The following DSG2 variants were observed in gnomAD, a reference collection of about 807,000 sequenced individuals.
DSG2 encodes desmoglein 2.
DSG2 carries 45 observed loss-of-function variants against 75.6 expected under a neutral mutation model. That is an observed-to-expected ratio of 0.60 (90% confidence interval 0.47 to 0.76). The LOEUF (loss-of-function observed/expected upper bound fraction) is 0.76. Among genes scored for constraint, DSG2 ranks in the 30% least tolerant of loss-of-function variants. DSG2 has a pLI of 0.00. For missense variants in DSG2, 1,267 were observed against 1,357.4 expected, an observed-to-expected ratio of 0.93 and a Z score of 1.05; for synonymous variants, 429 against 483.9, an observed-to-expected ratio of 0.89 and a Z score of 1.49.
At chr18:31,530,865 C>T (rs2073192182) in intron 8 of DSG2, 122 bp from the exon 9 acceptor site, 1 of 943,206 alleles carries the variant, frequency 1.1e-6, no homozygotes, top group Admixed American at 2.2e-5. Context: ...CTATTCAGTG[C>T]TGCTATATTT....
In DSG2 at chr18:31,548,900, T is replaced by A. The variant is rs2073333730; in HGVS notation, c.*2157T>A. ...TCTCTATTATATTTTACAAGGAATA[T>A]AACTCAGTTTGTTAGGGAGAGTGCC... is the stretch of plus-strand genomic sequence containing the variant. On this transcript the variant is annotated 3_prime_UTR_variant, in exon 15 of 15. Coordinates refer to ENST00000261590, the MANE Select transcript of DSG2 (RefSeq NM_001943.5). The A allele has an allele frequency of 7.0e-6, 1 of 142,246 alleles. No individual in the cohort carries two copies. Among genetic ancestry groups the A allele is most frequent in the Non-Finnish European group, 1.5e-5 (1 of 67,174 alleles). 8.8% of individuals were successfully genotyped at this position (142,246 alleles called of 1,614,324 possible). A position where few individuals can be genotyped will look rare whatever the true frequency, so the allele number is the denominator to read the frequency against.
rs2144341363 is a variant in DSG2, at chr18:31,536,226, G to A, written c.1448G>A (p.Gly483Asp). 3.7e-6 allele frequency: 6 copies of A among 1,613,892 alleles called. No individual in the cohort carries two copies. Among genetic ancestry groups the A allele is most frequent in the Non-Finnish European group, 5.1e-6 (6 of 1,179,958 alleles). ...GATTATCCTAGAAAAACCATCACTG[G>A]CACAGTCCTTATCAATGTTGAAGAC... ...SEDYPRKTIT[G>D]TVLINVEDIN... Residue 483 changes from glycine to aspartate, a missense_variant, in exon 11 of 15, where the codon GGC becomes GAC. Coordinates refer to ENST00000261590, the MANE Select transcript of DSG2 (RefSeq NM_001943.5).
chr18:31,521,252 CTTT>C lies in DSG2; in HGVS notation c.523+22_523+24del, dbSNP rs77324780. ...AGAGTTGAGTGCAGCACGTAAGAGT[CTTT>C]TTTTTTTTTTTTAATAAATAAATAC... On this transcript the variant is annotated intron_variant, in intron 5 of 14. Coordinates refer to ENST00000261590, the MANE Select transcript of DSG2 (RefSeq NM_001943.5). The C allele has an allele frequency of 1.2e-4, 167 of 1,386,746 alleles. No individual in the cohort carries two copies. The highest frequency in any genetic ancestry group is 2.0e-4 in the Middle Eastern group (1 of 5,006). The allele number at this position is 1,386,746 out of a possible 1,614,324, so 85.9% of individuals were successfully genotyped here.
rs1393872881 is a variant in DSG2 at position 31,547,939 on chromosome 18, A to G, written c.*1196A>G. On this transcript the variant is annotated 3_prime_UTR_variant, in exon 15 of 15. Coordinates refer to ENST00000261590, the MANE Select transcript of DSG2 (RefSeq NM_001943.5). ...AACTAGGCCTATTTCACTGCTGTGT[A>G]GCCTCAGTGCCTAACATGGGTGCCA... is the stretch of plus-strand genomic sequence containing the variant. The G allele has an allele frequency of 6.6e-6, 1 of 152,210 alleles. No individual in the cohort carries two copies. The highest frequency in any genetic ancestry group is 6.5e-5 in the Admixed American group (1 of 15,290). 9.4% of individuals were successfully genotyped at this position (152,210 alleles called of 1,614,324 possible).
At chr18:31,515,259 C>T (rs753529081) in intron 1 of DSG2, among the ~76,000 whole-genome samples, 13 of 152,158 alleles carry the variant, frequency 8.5e-5, no homozygotes, top group African/African-American at 1.2e-4. Flanking sequence ...CCCACCACCA[C>T]GGGCAGCTAA....
At position 31,522,207 on chromosome 18, in the gene DSG2, T is replaced by TA. The variant is rs1598811394; in HGVS notation, c.649dup (p.Thr217AsnfsTer51). ...CTCCAGTGTTCTACCTAAATAAAGATACAGGAGAGATTTATACAACCAGTG... is the reference window on the plus strand; with the variant it reads ...CTCCAGTGTTCTACCTAAATAAAGATAACAGGAGAGATTTATACAACCAGTG... On this transcript the variant is annotated frameshift_variant, in exon 6 of 15. Coordinates refer to ENST00000261590, the MANE Select transcript of DSG2 (RefSeq NM_001943.5). LOFTEE classifies it high-confidence loss of function. 1 of 1,613,894 alleles carries TA rather than the reference T, an allele frequency of 6.2e-7. No individual in the cohort carries two copies.
intron 5 of DSG2, among the ~76,000 whole-genome samples, chr18:31,521,538 T>C (rs1019985838): frequency 2.0e-5 from 3 of 152,152 alleles, no homozygotes; most frequent in African/African-American, 7.2e-5. Context: ...CAAATGAGCC[T>C]AGCTGTGGTC....
chr18:31,506,241 C>T (rs2073038683), intron 1 of DSG2, among the ~76,000 whole-genome samples: 1 of 152,168 alleles, frequency 6.6e-6, no homozygotes, highest in Non-Finnish European at 1.5e-5. Flanking sequence ...ATTCCCCTTA[C>T]AGCAGTTTGC....
chr18:31,515,635 A>G (rs948605606), intron 1 of DSG2, among the ~76,000 whole-genome samples: 3 of 152,340 alleles, frequency 2.0e-5, no homozygotes, highest in East Asian at 1.9e-4. Flanking sequence ...CTAGCTGGGC[A>G]AGTTAATAGT....
At chr18:31,511,314 C>G (rs2073065441) in intron 1 of DSG2, among the ~76,000 whole-genome samples, 1 of 152,192 alleles carries the variant, frequency 6.6e-6, no homozygotes, top group Non-Finnish European at 1.5e-5. Flanking sequence ...ATTTATCTCC[C>G]CTACCTCGAG....
At chr18:31,520,688 A>G in intron 3 of DSG2, 115 bp from the exon 4 acceptor site, 1 of 1,140,430 alleles carries the variant, frequency 8.8e-7, no homozygotes, top group South Asian at 1.5e-5. Flanking sequence ...GAAATTGTCC[A>G]TAAAAATATT....
In DSG2 at chr18:31,524,813, A is replaced by G; in HGVS notation, c.939A>G (p.Ala313=). The G allele has an allele frequency of 5.0e-6, 8 of 1,614,202 alleles. No homozygotes were observed. The highest frequency in any genetic ancestry group is 6.8e-6 in the Non-Finnish European group (8 of 1,180,014). The stretch of plus-strand genomic sequence containing the variant: ...ATTGGCTGGCAAATTTTACATTTGC[A>G]TCAGGAAATGAAGGAGGTTATTTCC... ...SDNWLANFTF[A]SGNEGGYFHI... The change falls in exon 8 of 15, where the codon GCA becomes GCG. Residue 313 remains alanine, a synonymous_variant. Coordinates refer to ENST00000261590, the MANE Select transcript of DSG2 (RefSeq NM_001943.5).
intron 8 of DSG2, among the ~76,000 whole-genome samples, chr18:31,525,982 A>G (rs2073160866): frequency 6.6e-6 from 1 of 152,074 alleles, no homozygotes; most frequent in South Asian, 2.1e-4. Context: ...CTCTACTACT[A>G]AAAATACAAA....
At chr18:31,537,491 C>T (rs1338945712) in intron 11 of DSG2, among the ~76,000 whole-genome samples, 4 of 151,826 alleles carry the variant, frequency 2.6e-5, no homozygotes, top group South Asian at 2.1e-4. Flanking sequence ...TGGTGGCAGG[C>T]ACCTGTAGTC....
At position 31,546,574 on chromosome 18, in the gene DSG2, T is replaced by C; in HGVS notation, c.3188T>C (p.Ile1063Thr). ...TCCACTCTGCAATCCAGTTACCAGA[T>C]TCCCACTGAAAATTCTATGACGGCT... ...PASTLQSSYQ[I>T]PTENSMTARN... The change falls in exon 15 of 15, where the codon ATT becomes ACT. Residue 1063 changes from isoleucine to threonine, a missense_variant. By Grantham distance (89) the Ile-to-Thr change is moderately conservative (BLOSUM62 -1). Coordinates refer to ENST00000261590, the MANE Select transcript of DSG2 (RefSeq NM_001943.5). 1 of 1,614,194 alleles carries C rather than the reference T, an allele frequency of 6.2e-7. No individual in the cohort carries two copies. Among genetic ancestry groups the C allele is most frequent in the East Asian group, 2.2e-5 (1 of 44,880 alleles).
chr18:31,509,439 T>TC (rs1165757609), intron 1 of DSG2, among the ~76,000 whole-genome samples: 1 of 151,900 alleles, frequency 6.6e-6, no homozygotes, highest in African/African-American at 2.4e-5. Flanking sequence ...GCTCTTTTTT[T>TC]TTAAATTAGC....
chr18:31,528,325 C>T (rs182902453), intron 8 of DSG2, among the ~76,000 whole-genome samples: 1 of 152,164 alleles, frequency 6.6e-6, no homozygotes, highest in Admixed American at 6.5e-5. Flanking sequence ...AGTAGATAAA[C>T]AGAATGTGGT....
intron 1 of DSG2, 99 bp downstream of exon 1, chr18:31,498,395 C>T (rs2072995577): frequency 1.7e-6 from 2 of 1,191,968 alleles, no homozygotes; most frequent in Admixed American, 4.3e-5. Flanking sequence ...CCCTTGTGCG[C>T]GTTACCTGCC....
At chr18:31,499,931 A>G (rs978421810) in intron 1 of DSG2, among the ~76,000 whole-genome samples, 1 of 151,964 alleles carries the variant, frequency 6.6e-6, no homozygotes. Context: ...TGTATTTTCT[A>G]TAAAACTTTC....
Sources: allele counts gnomAD v4.1 joint callset (sites outside exome capture counted in the v4.1 genomes callset), GRCh38; gene constraint gnomAD v4.1.1; transcripts MANE v1.5; gene names NCBI Gene and HGNC (gene_info 2026-07-23, HGNC 2026-07-21).